PRUNE2: variants seen among roughly 807,000 people sequenced by gnomAD.
PRUNE2 encodes protein prune homolog 2.
PRUNE2 carries 164 observed loss-of-function variants against 252.0 expected under a neutral mutation model. That is an observed-to-expected ratio of 0.65 (90% CI 0.57 to 0.74). The LOEUF is 0.74. Ranked by LOEUF, PRUNE2 falls within the 30% of genes least tolerant of loss-of-function variation. The pLI is 0.00. For missense variants in PRUNE2, 3,495 were observed against 3,711.0 expected (o/e 0.94, Z 1.51); for synonymous variants, 1,292 against 1,350.2 (o/e 0.96, Z 0.94).
intron 6 of PRUNE2, among the ~76,000 whole-genome samples, chr9:76,715,488 G>T (rs2047071481): frequency 6.6e-6 from 1 of 152,102 alleles, no homozygotes; most frequent in Non-Finnish European, 1.5e-5. Context: ...TGGTTGCAAG[G>T]AATTGCACAT....
chr9:76,639,206 G>T (rs1267138792), intron 12 of PRUNE2, among the ~76,000 whole-genome samples: 2 of 152,096 alleles, frequency 1.3e-5, no homozygotes, highest in Non-Finnish European at 2.9e-5. Flanking sequence ...TCTATATACA[G>T]CCAGGCCGGG....
At chr9:76,823,775 T>A in intron 5 of PRUNE2, 49 bp from the exon 6 acceptor site, 1 of 1,109,776 alleles carries the variant, frequency 9.0e-7, no homozygotes, top group African/African-American at 1.6e-5. Context: ...GAGGGATTTT[T>A]TTTTTGTAAT....
At chr9:76,776,013 G>T (rs1442529735) in intron 6 of PRUNE2, among the ~76,000 whole-genome samples, 1 of 152,168 alleles carries the variant, frequency 6.6e-6, no homozygotes, top group Non-Finnish European at 1.5e-5. Context: ...GAATAAGAAA[G>T]AACACTGATA....
chr9:76,668,808 T>C (rs1001474894), intron 9 of PRUNE2, among the ~76,000 whole-genome samples: 7 of 151,320 alleles, frequency 4.6e-5, no homozygotes, highest in African/African-American at 7.3e-5. Flanking sequence ...GGAGGCATCG[T>C]CGTTTGGAGG....
intron 6 of PRUNE2, among the ~76,000 whole-genome samples, chr9:76,742,796 C>T (rs1033029854): frequency 2.0e-5 from 3 of 151,998 alleles, no homozygotes; most frequent in African/African-American, 7.3e-5. Context: ...AAATGAGATA[C>T]CATTTTTACT....
intron 6 of PRUNE2, among the ~76,000 whole-genome samples, chr9:76,816,249 C>G (rs1418070738): frequency 1.3e-5 from 2 of 151,854 alleles, no homozygotes; most frequent in Admixed American, 1.3e-4. Context: ...GTAGAAGGCA[C>G]TACCTACATA....
At chr9:76,636,973 A>ATGTGTGTGTGTGTGTGTGTGTGTG (rs71354667) in intron 14 of PRUNE2, among the ~76,000 whole-genome samples, 1 of 145,406 alleles carries the variant, frequency 6.9e-6, no homozygotes, top group African/African-American at 2.7e-5. Context: ...AACAACAAAA[A>ATGTGTGTGTGTGTGTGTGTGTGTG]TGTGTGTGTG....
At chr9:76,713,203 C>T (rs1432788272) in intron 7 of PRUNE2, among the ~76,000 whole-genome samples, 1 of 151,954 alleles carries the variant, frequency 6.6e-6, no homozygotes, top group Non-Finnish European at 1.5e-5. Context: ...ATCAGATCAC[C>T]AGGTCTTAAA....
intron 6 of PRUNE2, among the ~76,000 whole-genome samples, chr9:76,748,240 G>A (rs1022910214): frequency 6.6e-6 from 1 of 152,206 alleles, no homozygotes; most frequent in Non-Finnish European, 1.5e-5. Context: ...TAGTTCAAAT[G>A]CAAAATCCTT....
intron 4 of PRUNE2, among the ~76,000 whole-genome samples, chr9:76,829,035 AAT>A (rs56005814): frequency 0.05 from 7,506 of 148,958 alleles, 271 homozygotes; most frequent in African/African-American, 0.1. Flanking sequence ...AAAAAAAAAA[AAT>A]TCCCCTCTTT....
intron 6 of PRUNE2, among the ~76,000 whole-genome samples, chr9:76,748,094 C>T (rs758176122): frequency 2.8e-4 from 42 of 152,136 alleles, no homozygotes; most frequent in Non-Finnish European, 5.1e-4. Flanking sequence ...ACGTGCCCGG[C>T]CCACTTCTCT....
rs1564214165 is a variant in PRUNE2, at chr9:76,752,106, T to TG, written c.757-38386_757-38385insC. Among the ~76,000 whole-genome samples the TG allele has an allele frequency of 2.0e-5, 3 of 149,624 alleles. No homozygotes were observed. The South Asian group carries it at 6.3e-4, about 32-fold the overall frequency. ...TCCTGTTTTTTTTTTGGTTTTTTTT[T>TG]TTTTTTTTTGAGACGGAGTCTCACT... On this transcript the variant is annotated intron_variant, in intron 6 of 18. Coordinates refer to ENST00000376718, the MANE Select transcript of PRUNE2 (RefSeq NM_015225.3).
At position 76,614,585 on chromosome 9, in the gene PRUNE2, C is replaced by T. The variant is rs1358917170; in HGVS notation, c.9252G>A (p.Leu3084=). ...SSMEKDIDLK[L]KEKP is the part of the protein sequence containing the mutation. ...GCATGGCCAACTAAGGCTTTTCTTT[C>T]AGCTTCAAGTCAATACTGCAAAGAA... The change falls in exon 19 of 19, where the codon CTG becomes CTA. Residue 3084 remains leucine, a synonymous_variant. Transcript: ENST00000376718. 1.2e-6 allele frequency: 2 copies of T among 1,612,248 alleles called. No homozygotes were observed. Among genetic ancestry groups the T allele is most frequent in the Non-Finnish European group, 1.7e-6 (2 of 1,178,850 alleles).
intron 11 of PRUNE2, among the ~76,000 whole-genome samples, chr9:76,650,753 C>T (rs191756898): frequency 1.3e-5 from 2 of 152,306 alleles, no homozygotes; most frequent in East Asian, 1.9e-4. Flanking sequence ...ATGTTAACTA[C>T]ATTAAAAGAG....
chr9:76,748,398 T>C (rs1050727624), intron 6 of PRUNE2, among the ~76,000 whole-genome samples: 6 of 152,112 alleles, frequency 3.9e-5, no homozygotes, highest in African/African-American at 1.2e-4. Flanking sequence ...GGCCAGCTAA[T>C]GGGATGCAGT....
At position 76,902,950 on chromosome 9, in the gene PRUNE2, G is replaced by C. The variant is rs1278553565; in HGVS notation, c.36+2978C>G. ...GTCAGTGAATCTGCCTCAATTTAAAGAGTAGTAGGGCCAGACTGGGATTAA... is the reference window on the plus strand; with the variant it reads ...GTCAGTGAATCTGCCTCAATTTAAACAGTAGTAGGGCCAGACTGGGATTAA... On this transcript the variant is annotated intron_variant, in intron 1 of 18. Transcript: ENST00000376718. Among the ~76,000 whole-genome samples the C allele has an allele frequency of 3.9e-5, 6 of 152,230 alleles. No individual in the cohort carries two copies. The South Asian group carries it at 1.0e-3, about 26-fold the overall frequency.
At chr9:76,815,322 C>G (rs1416870311) in intron 6 of PRUNE2, among the ~76,000 whole-genome samples, 1 of 152,158 alleles carries the variant, frequency 6.6e-6, no homozygotes, top group Non-Finnish European at 1.5e-5. Flanking sequence ...AACAAAACAC[C>G]TTAGACTGGG....
At position 76,710,794 on chromosome 9, in the gene PRUNE2, A is replaced by G. The variant is rs751415027; in HGVS notation, c.1480T>C (p.Phe494Leu). The change falls in exon 8 of 19, where the codon TTC becomes CTC. Residue 494 changes from phenylalanine (F) to leucine (L), a missense_variant. By Grantham distance (22) the Phe-to-Leu change is conservative. Coordinates refer to ENST00000376718, the MANE Select transcript of PRUNE2 (RefSeq NM_015225.3). ...SGEHGEHFDL[F>L]NFDPAPMASG... ...GCCATGGGTGCTGGGTCAAAATTGA[A>G]GAGGTCGAAGTGCTCACCGTGTTCT... 2 of 1,585,480 alleles carry G rather than the reference A, an allele frequency of 1.3e-6. No homozygotes were observed. The highest frequency in any genetic ancestry group is 1.2e-5 in the South Asian group (1 of 84,884).
At chr9:76,725,987 G>A (rs1042123073) in intron 6 of PRUNE2, among the ~76,000 whole-genome samples, 1 of 152,214 alleles carries the variant, frequency 6.6e-6, no homozygotes, top group Non-Finnish European at 1.5e-5. Context: ...CTGAGCACGC[G>A]CTGGGAGAAG....
Sources: allele counts gnomAD v4.1 joint callset (sites outside exome capture counted in the v4.1 genomes callset), GRCh38; gene constraint gnomAD v4.1.1; transcripts MANE v1.5; gene names NCBI Gene and HGNC (gene_info 2026-07-23, HGNC 2026-07-21).